The following PDE10A variants were observed in gnomAD, a reference collection of about 807,000 sequenced individuals.
PDE10A encodes cAMP and cAMP-inhibited cGMP 3',5'-cyclic phosphodiesterase 10A.
PDE10A carries 39 observed loss-of-function variants against 97.7 expected under a neutral mutation model. The ratio of observed to expected loss-of-function variants is 0.40; its 90% CI spans 0.31 to 0.52. PDE10A has a LOEUF of 0.52. PDE10A is among the 20% of genes least tolerant of loss of function. The pLI is 0.56. For synonymous variants in PDE10A, 371 were observed against 376.8 expected, an observed-to-expected ratio of 0.98 and a Z score of 0.18; for missense variants, 731 against 1,047.8, an observed-to-expected ratio of 0.70 and a Z score of 4.17.
Position 165,911,595 on chromosome 6 carries a change from C to T in PDE10A, c.-615+75934G>A, listed in dbSNP as rs146233848. On this transcript the variant is annotated intron_variant, in intron 1 of 19. Transcript: ENST00000366882. The stretch of plus-strand genomic sequence containing the variant: ...ACTAAAACAGAGAAGGATAAGCCAC[C>T]GAAAAGGGCAGCACACCCTTCAACA... Among the ~76,000 whole-genome samples, 719 of 152,272 alleles carry T rather than the reference C, an allele frequency of 4.7e-3. 2 individuals are homozygous for T. The highest frequency in any genetic ancestry group is 7.4e-3 in the Admixed American group (114 of 15,310).
rs1442889643 is a variant in PDE10A at position 165,372,316 on chromosome 6, T to C, written c.2783+6878A>G. 8.6e-4 allele frequency among the ~76,000 whole-genome samples: 130 copies of C among 150,708 alleles called. 1 individual carries two copies. In the South Asian group the frequency reaches 0.027, roughly 31 times the overall value. On this transcript the variant is annotated intron_variant, in intron 18 of 21. Coordinates refer to ENST00000539869, the MANE Select transcript of PDE10A (RefSeq NM_001385079.1). ...CCTGTTTGCAGATGACATGATTGTA[T>C]ATCTAGAAAACCCCATTGTCTCAGC...
chr6:165,767,125 T>C (rs116727876), intron 1 of PDE10A, among the ~76,000 whole-genome samples: 1 of 152,228 alleles, frequency 6.6e-6, no homozygotes, highest in Non-Finnish European at 1.5e-5. Flanking sequence ...TGGACACTTG[T>C]TCTAATCAGA....
intron 1 of PDE10A, among the ~76,000 whole-genome samples, chr6:165,938,849 A>G (rs1783423690): frequency 6.6e-6 from 1 of 152,226 alleles, no homozygotes; most frequent in South Asian, 2.1e-4. Context: ...AATTGTAGAT[A>G]ATAAAATTCT....
At chr6:165,356,984 T>C (rs1783068460) in intron 18 of PDE10A, among the ~76,000 whole-genome samples, 1 of 152,182 alleles carries the variant, frequency 6.6e-6, no homozygotes, top group African/African-American at 2.4e-5. Flanking sequence ...GGGTATTACT[T>C]AATATATGAA....
chr6:165,681,594 G>A (rs1471577166), intron 1 of PDE10A, among the ~76,000 whole-genome samples: 1 of 152,160 alleles, frequency 6.6e-6, no homozygotes, highest in Non-Finnish European at 1.5e-5. Flanking sequence ...TCTAGCACAA[G>A]GCTACCACTT....
Position 165,744,989 on chromosome 6 carries a change from G to A in PDE10A, c.-614-201421C>T, listed in dbSNP as rs75327067. On this transcript the variant is annotated intron_variant, in intron 1 of 19. Coordinates refer to the PDE10A transcript ENST00000366882. Reference sequence around the variant, plus strand: ...TACCATTAGTAATTTTTCAGGATGTGTATTTCCTTGCAACCTCTCTAGCAC... The same window carrying A: ...TACCATTAGTAATTTTTCAGGATGTATATTTCCTTGCAACCTCTCTAGCAC... 1.5e-3 allele frequency among the ~76,000 whole-genome samples: 230 copies of A among 152,258 alleles called. 5 individuals are homozygous for A. In the East Asian group the frequency reaches 0.042, roughly 28 times the overall value.
At chr6:165,684,019 G>A (rs912052425) in intron 1 of PDE10A, among the ~76,000 whole-genome samples, 2 of 152,042 alleles carry the variant, frequency 1.3e-5, no homozygotes, top group African/African-American at 4.8e-5. Flanking sequence ...TTTCTGCCTA[G>A]AGTCCCAAAT....
intron 2 of PDE10A, among the ~76,000 whole-genome samples, chr6:165,513,410 C>A (rs998840536): frequency 6.6e-6 from 1 of 152,046 alleles, no homozygotes; most frequent in Non-Finnish European, 1.5e-5. Context: ...ATCTCTGCAG[C>A]AGTACAAAAT....
At chr6:165,971,070 C>A (rs1325674725) in intron 1 of PDE10A, among the ~76,000 whole-genome samples, 5 of 152,112 alleles carry the variant, frequency 3.3e-5, no homozygotes, top group African/African-American at 1.2e-4. Context: ...ATCTCTTGAA[C>A]CTGGGAGGCA....
At chr6:165,906,779 G>A (rs1782297933) in intron 1 of PDE10A, among the ~76,000 whole-genome samples, 1 of 152,214 alleles carries the variant, frequency 6.6e-6, no homozygotes, top group South Asian at 2.1e-4. Flanking sequence ...TTTCCCTTAG[G>A]ATCAGGAGTT....
At chr6:165,805,196 G>T (rs2128466250) in intron 1 of PDE10A, among the ~76,000 whole-genome samples, 1 of 152,168 alleles carries the variant, frequency 6.6e-6, no homozygotes, top group East Asian at 2.0e-4. Context: ...TCGCGAAGTT[G>T]GAGAGGCCTC....
intron 1 of PDE10A, among the ~76,000 whole-genome samples, chr6:165,589,413 T>A (rs1166443902): frequency 6.6e-6 from 1 of 152,250 alleles, no homozygotes. Context: ...ATGCATTGGT[T>A]AAAACTTTAA....
At chr6:165,791,444 T>C (rs1426895035) in intron 1 of PDE10A, among the ~76,000 whole-genome samples, 1 of 152,286 alleles carries the variant, frequency 6.6e-6, no homozygotes, top group East Asian at 1.9e-4. Flanking sequence ...ACATTTGGGT[T>C]GTCTCTGCAT....
intron 1 of PDE10A, among the ~76,000 whole-genome samples, chr6:165,910,402 A>C (rs1295248898): frequency 6.6e-6 from 1 of 152,238 alleles, no homozygotes; most frequent in African/African-American, 2.4e-5. Context: ...CCGCATCTAA[A>C]TAAATTGCTG....
intron 1 of PDE10A, among the ~76,000 whole-genome samples, chr6:165,748,082 A>T (rs1792884404): frequency 6.6e-6 from 1 of 152,188 alleles, no homozygotes; most frequent in African/African-American, 2.4e-5. Context: ...TCTAGGGAAC[A>T]TGCCTGCTCA....
At chr6:165,547,175 C>T in intron 1 of PDE10A, among the ~76,000 whole-genome samples, 1 of 152,080 alleles carries the variant, frequency 6.6e-6, no homozygotes, top group East Asian at 1.9e-4. Context: ...ATATATCATT[C>T]CTGCTAATAA....
chr6:165,616,413 C>T (rs1017327893), intron 1 of PDE10A, among the ~76,000 whole-genome samples: 2 of 151,862 alleles, frequency 1.3e-5, no homozygotes, highest in Non-Finnish European at 2.9e-5. Context: ...TAGGAAAACA[C>T]TTTTCAAAAA....
At chr6:165,604,512 C>CT (rs1300151439) in intron 1 of PDE10A, among the ~76,000 whole-genome samples, 1 of 82,306 alleles carries the variant, frequency 1.2e-5, no homozygotes, top group Admixed American at 1.1e-4. Flanking sequence ...CACTTACTCT[C>CT]TTTGTTAAAA....
intron 2 of PDE10A, among the ~76,000 whole-genome samples, chr6:165,494,055 AC>A (rs776654831): frequency 6.6e-6 from 1 of 152,088 alleles, no homozygotes; most frequent in East Asian, 1.9e-4. Context: ...TGGCCAAAAA[AC>A]GTATGAAAAA....
Sources: allele counts gnomAD v4.1 joint callset (sites outside exome capture counted in the v4.1 genomes callset), GRCh38; gene constraint gnomAD v4.1.1; transcripts MANE v1.5; gene names NCBI Gene and HGNC (gene_info 2026-07-23, HGNC 2026-07-21).